The following MICOS10 variants were observed in gnomAD, a reference collection of about 807,000 sequenced individuals.
The protein encoded by MICOS10 is mitochondrial contact site and cristae organizing system subunit 10.
Under a neutral mutation model 13.4 loss-of-function variants are expected in MICOS10, and 5 were observed. The observed-to-expected ratio is 0.37, with a 90% CI of 0.20 to 0.78. The LOEUF (loss-of-function observed/expected upper bound fraction) is 0.78, where lower values mean the gene tolerates loss of function less well. MICOS10 is among the 30% of genes least tolerant of loss of function. The pLI is 0.47. For missense variants in MICOS10, 101 were observed against 94.6 expected (o/e 1.07, Z -0.28); for synonymous variants, 35 against 33.6 (o/e 1.04, Z -0.15).
chr1:19,603,014 A>T (rs1052564001), intron 1 of MICOS10, among the ~76,000 whole-genome samples: 1 of 152,108 alleles, frequency 6.6e-6, no homozygotes, highest in African/African-American at 2.4e-5. Flanking sequence ...TTGAGAATTT[A>T]TGAGCCCTAC....
At chr1:19,619,352 C>CT (rs1380811271) in intron 1 of MICOS10, among the ~76,000 whole-genome samples, 1 of 152,176 alleles carries the variant, frequency 6.6e-6, no homozygotes, top group Non-Finnish European at 1.5e-5. Flanking sequence ...TGAGGTAAAG[C>CT]TTTATGATCT....
intron 1 of MICOS10, chr1:19,608,676 A>G: frequency 1.7e-6 from 1 of 602,150 alleles, no homozygotes; most frequent in East Asian, 2.8e-5. Flanking sequence ...GGAGTCAGAA[A>G]AGATTTTGGG....
chr1:19,625,803 G>A (rs942356946), intron 3 of MICOS10, among the ~76,000 whole-genome samples: 71 of 152,154 alleles, frequency 4.7e-4, no homozygotes, highest in African/African-American at 1.7e-3. Context: ...AACTTTATCT[G>A]GACTTGAGTC....
chr1:19,622,280 C>A, intron 2 of MICOS10, 133 bp downstream of exon 2: 1 of 580,216 alleles, frequency 1.7e-6, no homozygotes, highest in South Asian at 2.7e-5. Flanking sequence ...GTTAGGTAGC[C>A]CATTATAAAA....
At chr1:19,608,792 G>A (rs1013626940) in intron 1 of MICOS10, among the ~76,000 whole-genome samples, 3 of 151,848 alleles carry the variant, frequency 2.0e-5, no homozygotes, top group Admixed American at 6.6e-5. Context: ...AAGGCAAGCC[G>A]CAGAATGGGA....
chr1:19,614,203 A>G (rs1392297140), intron 1 of MICOS10, among the ~76,000 whole-genome samples: 1 of 152,000 alleles, frequency 6.6e-6, no homozygotes, highest in Non-Finnish European at 1.5e-5. Context: ...TAGATTGATT[A>G]AGGGAATTTA....
chr1:19,611,850 T>TA (rs967383474), intron 1 of MICOS10, among the ~76,000 whole-genome samples: 1 of 150,314 alleles, frequency 6.7e-6, no homozygotes, highest in Non-Finnish European at 1.5e-5. Context: ...CATGCGCCTG[T>TA]AGTCCCAGCT....
At position 19,627,922 on chromosome 1, in the gene MICOS10, G is replaced by C. The variant is rs1027664641; in HGVS notation, c.*1521G>C. ...TCTGCTAGGCTCTGCCCTGCAAACT[G>C]TCCAGGCTCCTCTGCCCTCTGGGCT... On this transcript the variant is annotated 3_prime_UTR_variant, in exon 4 of 4. Coordinates refer to ENST00000322753, the MANE Select transcript of MICOS10 (RefSeq NM_001032363.4). The C allele has an allele frequency of 3.3e-5, 5 of 152,324 alleles. No homozygotes were observed. The highest frequency in any genetic ancestry group is 7.3e-5 in the Non-Finnish European group (5 of 68,174). The allele number at this position is 152,324 out of a possible 1,614,324, so 9.4% of individuals were successfully genotyped here.
In MICOS10 at chr1:19,627,904, G is replaced by A. The variant is rs1381855844; in HGVS notation, c.*1503G>A. 1.3e-5 allele frequency: 2 copies of A among 152,260 alleles called. No individual in the cohort carries two copies. The highest frequency in any genetic ancestry group is 2.9e-5 in the Non-Finnish European group (2 of 68,126). 9.4% of individuals were successfully genotyped at this position (152,260 alleles called of 1,614,324 possible). A position where few individuals can be genotyped will look rare whatever the true frequency, so the allele number is the denominator to read the frequency against. On this transcript the variant is annotated 3_prime_UTR_variant, in exon 4 of 4. Transcript: ENST00000322753. Reference sequence around the variant, plus strand: ...CTCCCTTTTCCAGAAAGGTCTGCTAGGCTCTGCCCTGCAAACTGTCCAGGC... The same window carrying A: ...CTCCCTTTTCCAGAAAGGTCTGCTAAGCTCTGCCCTGCAAACTGTCCAGGC...
In MICOS10 at chr1:19,597,056, C is replaced by G. The variant is rs764113991; in HGVS notation, c.11C>G (p.Ser4Trp). The G allele has an allele frequency of 1.3e-5, 20 of 1,590,974 alleles. No individual in the cohort carries two copies. The highest frequency in any genetic ancestry group is 9.0e-5 in the South Asian group (8 of 88,886). MSESELGRKWDRCL... is the reference protein window; with the variant it reads MSEWELGRKWDRCL... ...GCGCGGGTGGGGAACATGTCTGAGTCGGAGCTCGGCAGGAAGTGGGACCGG... is the reference window on the plus strand; with the variant it reads ...GCGCGGGTGGGGAACATGTCTGAGTGGGAGCTCGGCAGGAAGTGGGACCGG... The change falls in exon 1 of 4, where the codon TCG (serine) becomes TGG (tryptophan). Residue 4 changes from serine to tryptophan, a missense_variant. Ser to Trp is a radical substitution (Grantham distance 177). Transcript: ENST00000322753.
At position 19,610,772 on chromosome 1, in the gene MICOS10, T is replaced by C. The variant is rs375433494; in HGVS notation, c.65-11328T>C. 2.0e-5 allele frequency among the ~76,000 whole-genome samples: 3 copies of C among 152,258 alleles called. 1 individual carries two copies. ...GTTTCTGATTGTCAGAACCTGCACATATAAACCACTCAGAATTCCTGTTTG... is the reference window on the plus strand; with the variant it reads ...GTTTCTGATTGTCAGAACCTGCACACATAAACCACTCAGAATTCCTGTTTG... On this transcript the variant is annotated intron_variant, in intron 1 of 3. Coordinates refer to ENST00000322753, the MANE Select transcript of MICOS10 (RefSeq NM_001032363.4).
Position 19,597,118 on chromosome 1 carries a change from C to A in MICOS10, c.64+9C>A. The A allele has an allele frequency of 6.3e-7, 1 of 1,599,556 alleles. No homozygotes were observed. The highest frequency in any genetic ancestry group is 8.5e-7 in the Non-Finnish European group (1 of 1,173,872). On this transcript the variant is annotated intron_variant, in intron 1 of 3. Coordinates refer to ENST00000322753, the MANE Select transcript of MICOS10 (RefSeq NM_001032363.4). ...TGCGGTCGTGAAGATAGGTAAGGGG[C>A]TTTTCGCCCCAGCAGGCCCGGCCGG...
intron 1 of MICOS10, among the ~76,000 whole-genome samples, chr1:19,604,852 T>C (rs1277037176): frequency 6.6e-6 from 1 of 152,144 alleles, no homozygotes; most frequent in Non-Finnish European, 1.5e-5. Context: ...AATATGCAGA[T>C]ATTTAATAGG....
chr1:19,604,231 G>A (rs977912133), intron 1 of MICOS10, among the ~76,000 whole-genome samples: 4 of 152,202 alleles, frequency 2.6e-5, no homozygotes, highest in Non-Finnish European at 5.9e-5. Context: ...TGGAGGCTGA[G>A]TGTGGTGGCT....
intron 1 of MICOS10, among the ~76,000 whole-genome samples, chr1:19,606,309 T>C (rs1247528652): frequency 6.7e-6 from 1 of 150,062 alleles, no homozygotes; most frequent in South Asian, 2.1e-4. Flanking sequence ...GGGAATAACA[T>C]TTTGTAGTTT....
chr1:19,619,913 C>T (rs2094897290), intron 1 of MICOS10, among the ~76,000 whole-genome samples: 1 of 152,200 alleles, frequency 6.6e-6, no homozygotes. Flanking sequence ...CCGCAACTGG[C>T]CTTTGCCATG....
chr1:19,597,597 G>C (rs559297462), intron 1 of MICOS10, among the ~76,000 whole-genome samples: 3 of 152,326 alleles, frequency 2.0e-5, no homozygotes, highest in African/African-American at 4.8e-5. Flanking sequence ...TTCCCGACTT[G>C]CCACCTGATT....
At chr1:19,611,658 G>A (rs1040650749) in intron 1 of MICOS10, among the ~76,000 whole-genome samples, 1 of 151,552 alleles carries the variant, frequency 6.6e-6, no homozygotes, top group Non-Finnish European at 1.5e-5. Flanking sequence ...ATTTATTTTA[G>A]CTCATAACTT....
intron 1 of MICOS10, among the ~76,000 whole-genome samples, chr1:19,607,196 A>G (rs1433965362): frequency 6.6e-6 from 1 of 152,276 alleles, no homozygotes; most frequent in East Asian, 1.9e-4. Context: ...ATATTTAAAC[A>G]ATGTGACCAA....
Sources: gnomAD v4.1 joint callset for allele counts (sites outside exome capture counted in the v4.1 genomes callset) on GRCh38, gnomAD v4.1.1 for gene constraint, MANE v1.5 for transcripts, NCBI Gene and HGNC (gene_info 2026-07-23, HGNC 2026-07-21) for gene names.